Variants in MYZAP observed in about 807,000 individuals in gnomAD.
MYZAP encodes the protein GRINL1A complex locus upstream.
Under a neutral mutation model 69.4 loss-of-function variants are expected in MYZAP, and 66 were observed. The observed-to-expected ratio is 0.95, with a 90% CI of 0.78 to 1.17. The LOEUF (loss-of-function observed/expected upper bound fraction) is 1.17, where lower values mean the gene tolerates loss of function less well. Ranked by LOEUF, MYZAP falls within the 50% of genes most tolerant of loss-of-function variation. The pLI, the probability that MYZAP is intolerant of heterozygous loss-of-function variation, is 0.00. For synonymous variants in MYZAP, 256 were observed against 205.9 expected (o/e 1.24, Z -2.09); for missense variants, 611 against 556.2 (o/e 1.10, Z -0.99).
chr15:57,675,036 A>G lies in MYZAP; in HGVS notation c.1272A>G (p.Arg424=). ...AGGCCAAGACCGAAGTGGAAACCAG[A>G]GAGATAGGAGTGGGCTGTGATCTTC... The part of the protein sequence containing the change: ...ETQAKTEVET[R]EIGVGCDLLP... The change falls in exon 12 of 13, where the codon AGA becomes AGG. Residue 424 remains arginine (R), a synonymous_variant. Coordinates refer to ENST00000267853, the MANE Select transcript of MYZAP (RefSeq NM_001018100.5). 1 of 1,613,612 alleles carries G rather than the reference A, an allele frequency of 6.2e-7. No homozygotes were observed. The highest frequency in any genetic ancestry group is 1.3e-5 in the African/African-American group (1 of 75,036).
intron 12 of MYZAP, among the ~76,000 whole-genome samples, chr15:57,679,336 C>T (rs185694056): frequency 0.077 from 2,149 of 28,068 alleles, 26 homozygotes; most frequent in Non-Finnish European, 0.19. Flanking sequence ...TATGTTTCAC[C>T]TCTTTGTGTG....
chr15:57,620,518 T>C (rs2035740220), intron 3 of MYZAP, among the ~76,000 whole-genome samples: 1 of 152,192 alleles, frequency 6.6e-6, no homozygotes, highest in Admixed American at 6.5e-5. Flanking sequence ...AGGTCTTTTG[T>C]TGTGTTTTGA....
At chr15:57,668,421 C>T (rs2038698166) in intron 11 of MYZAP, among the ~76,000 whole-genome samples, 1 of 152,154 alleles carries the variant, frequency 6.6e-6, no homozygotes, top group Admixed American at 6.5e-5. Context: ...CCAGTGTCTC[C>T]ATATCCTAAC....
At chr15:57,651,434 C>T (rs2037721756) in intron 10 of MYZAP, among the ~76,000 whole-genome samples, 1 of 152,136 alleles carries the variant, frequency 6.6e-6, no homozygotes, top group Non-Finnish European at 1.5e-5. Context: ...GAATTAGGGC[C>T]CCAGCAGATC....
At chr15:57,672,899 C>A (rs1210385066) in intron 11 of MYZAP, among the ~76,000 whole-genome samples, 1 of 152,034 alleles carries the variant, frequency 6.6e-6, no homozygotes, top group African/African-American at 2.4e-5. Flanking sequence ...TTCTGTGGAT[C>A]CCCCTATAAT....
intron 2 of MYZAP, 102 bp from the exon 3 acceptor site, chr15:57,617,931 T>G (rs1234351517): frequency 7.0e-7 from 1 of 1,431,052 alleles, no homozygotes; most frequent in Non-Finnish European, 9.2e-7. Flanking sequence ...CAATGAGTGC[T>G]GGGCACAATT....
chr15:57,651,909 A>G (rs1183753455), intron 10 of MYZAP, among the ~76,000 whole-genome samples: 1 of 152,178 alleles, frequency 6.6e-6, no homozygotes, highest in Non-Finnish European at 1.5e-5. Context: ...CTCCTTCTGG[A>G]GAAGTTGGGT....
intron 11 of MYZAP, among the ~76,000 whole-genome samples, chr15:57,673,404 G>A (rs1278932648): frequency 6.6e-6 from 1 of 151,840 alleles, no homozygotes; most frequent in Non-Finnish European, 1.5e-5. Flanking sequence ...CATTGCTGGG[G>A]AAGCTCACTG....
At chr15:57,593,915 A>G (rs1256501932) in intron 1 of MYZAP, among the ~76,000 whole-genome samples, 1 of 152,116 alleles carries the variant, frequency 6.6e-6, no homozygotes, top group Non-Finnish European at 1.5e-5. Context: ...GATGTTGATT[A>G]ATTGATTTAT....
At position 57,633,855 on chromosome 15, in the gene MYZAP, A is replaced by T. The variant is rs79247688; in HGVS notation, c.933+114A>T. ...CCTCTCACCTCCAAAATTTGCAATT[A>T]AAAAAAAAAAGACAAAGCTATAAAA... On this transcript the variant is annotated intron_variant, in intron 8 of 12. Transcript: ENST00000267853. 23 of 502,498 alleles carry T rather than the reference A, an allele frequency of 4.6e-5. No homozygotes were observed. The Middle Eastern group carries it at 2.4e-3, about 53-fold the overall frequency. The allele number at this position is 502,498 out of a possible 1,614,324, so 31.1% of individuals were successfully genotyped here. A position where few individuals can be genotyped will look rare whatever the true frequency, so the allele number is the denominator to read the frequency against.
chr15:57,678,064 AAAAG>A (rs1356035427), intron 12 of MYZAP, among the ~76,000 whole-genome samples: 1 of 143,960 alleles, frequency 6.9e-6, no homozygotes, highest in Non-Finnish European at 1.5e-5. Flanking sequence ...AAAAAAAAAG[AAAAG>A]AAATAAAAAA....
At chr15:57,650,916 G>T (rs28455683) in intron 10 of MYZAP, among the ~76,000 whole-genome samples, 5,491 of 152,302 alleles carry the variant, frequency 0.036, 315 homozygotes, top group African/African-American at 0.13. Flanking sequence ...AGTGAGAAAT[G>T]AAGAGGCTAG....
intron 5 of MYZAP, among the ~76,000 whole-genome samples, chr15:57,626,221 C>T (rs1172377053): frequency 6.6e-6 from 1 of 152,130 alleles, no homozygotes; most frequent in Non-Finnish European, 1.5e-5. Context: ...TCCTCCAGTC[C>T]CAGTGCCACA....
rs560934178 is a variant in MYZAP at position 57,600,547 on chromosome 15, C to G, written c.76-3722C>G. 5.3e-5 allele frequency among the ~76,000 whole-genome samples: 8 copies of G among 152,288 alleles called. No homozygotes were observed. The East Asian group carries it at 1.2e-3, about 22-fold the overall frequency. On this transcript the variant is annotated intron_variant, in intron 1 of 12. Coordinates refer to ENST00000267853, the MANE Select transcript of MYZAP (RefSeq NM_001018100.5). ...TAGATGGGCAGATGAAGAATGGGCT[C>G]AAGCCAGGGGAGGGACCATCTAACT...
At chr15:57,643,131 C>T (rs1187480667) in intron 10 of MYZAP, among the ~76,000 whole-genome samples, 3 of 152,114 alleles carry the variant, frequency 2.0e-5, no homozygotes, top group African/African-American at 4.8e-5. Flanking sequence ...CAAAAAAGCC[C>T]CACGTGTGCC....
In MYZAP at chr15:57,665,178, C is replaced by A. The variant is rs2038504638; in HGVS notation, c.1203+3645C>A. ...AATTTCACCTTTAGGTGAACATGAG[C>A]AGGGATTGTACAAGCCAGGTCCTAC... On this transcript the variant is annotated intron_variant, in intron 11 of 12. Transcript: ENST00000267853. 5.3e-5 allele frequency among the ~76,000 whole-genome samples: 8 copies of A among 152,208 alleles called. No individual in the cohort carries two copies. The South Asian group carries it at 1.7e-3, about 32-fold the overall frequency.
chr15:57,648,471 G>T, intron 10 of MYZAP: 1 of 985,326 alleles, frequency 1.0e-6, no homozygotes, highest in South Asian at 4.7e-5. Flanking sequence ...CTCATTCCAA[G>T]GCTATGCATA....
chr15:57,641,883 A>G (rs2037181479), intron 10 of MYZAP, among the ~76,000 whole-genome samples: 1 of 152,226 alleles, frequency 6.6e-6, no homozygotes, highest in African/African-American at 2.4e-5. Context: ...CAGGTTGGAA[A>G]GGAGTTGAGA....
intron 10 of MYZAP, among the ~76,000 whole-genome samples, chr15:57,643,569 C>G (rs1224591040): frequency 6.6e-6 from 1 of 152,194 alleles, no homozygotes; most frequent in Non-Finnish European, 1.5e-5. Context: ...TTTACCTGCT[C>G]TCACCATGGC....
Sources: allele counts gnomAD v4.1 joint callset (sites outside exome capture counted in the v4.1 genomes callset), GRCh38; gene constraint gnomAD v4.1.1; transcripts MANE v1.5; gene names NCBI Gene and HGNC (gene_info 2026-07-23, HGNC 2026-07-21).